Variants in MMEL1 observed in about 807,000 individuals in gnomAD.
The protein encoded by MMEL1 is membrane metallo-endopeptidase-like 1.
Under a neutral mutation model 117.1 loss-of-function variants are expected in MMEL1, and 98 were observed. The ratio of observed to expected loss-of-function variants is 0.84; its 90% CI spans 0.71 to 0.99. MMEL1 has a LOEUF of 0.99. Among genes scored for constraint, MMEL1 ranks in the 50% least tolerant of loss-of-function variants. The probability of loss-of-function intolerance (pLI) is 0.00; values close to 1 mark genes in which losing one functional copy is unlikely to be tolerated. For missense variants in MMEL1, 1,014 were observed against 1,049.1 expected (o/e 0.97, Z 0.46); for synonymous variants, 390 against 415.1 (o/e 0.94, Z 0.74).
chr1:2,608,158 A>T (rs1442336753), intron 6 of MMEL1, among the ~76,000 whole-genome samples: 1 of 152,106 alleles, frequency 6.6e-6, no homozygotes, highest in Non-Finnish European at 1.5e-5. Flanking sequence ...CAGCGCACCC[A>T]AGCAGGGGTC....
At position 2,609,350 on chromosome 1, in the gene MMEL1, C is replaced by A; in HGVS notation, c.524G>T (p.Cys175Phe). The change falls in exon 6 of 24, where the codon TGC (cysteine) becomes TTC (phenylalanine). Residue 175 changes from cysteine to phenylalanine, a missense_variant. Transcript: ENST00000378412. ...CGGCCCCCACTCACTCTGGTTCATG[C>A]AGGAGCGGTACAGCGTCCTGGCCTT... is the stretch of plus-strand genomic sequence containing the variant. ...VEKARTLYRSCMNQSVIEKRG... is the reference protein window; with the variant it reads ...VEKARTLYRSFMNQSVIEKRG... The A allele has an allele frequency of 6.2e-7, 1 of 1,611,402 alleles. No homozygotes were observed. The highest frequency in any genetic ancestry group is 1.1e-5 in the South Asian group (1 of 90,616).
intron 11 of MMEL1, 110 bp downstream of exon 11, chr1:2,603,774 A>C: frequency 2.1e-6 from 2 of 938,664 alleles, no homozygotes; most frequent in Non-Finnish European, 3.3e-6. Flanking sequence ...GGGATGGGGA[A>C]TGTTTCTGAG....
intron 10 of MMEL1, 27 bp downstream of exon 10, chr1:2,604,120 G>GCGGGC: frequency 5.6e-5 from 75 of 1,329,988 alleles, no homozygotes; most frequent in Non-Finnish European, 7.5e-5. Flanking sequence ...CTCGCTGCCC[G>GCGGGC]CTCCCCACCC....
intron 7 of MMEL1, 54 bp from the exon 8 acceptor site, chr1:2,606,420 G>C: frequency 7.0e-7 from 1 of 1,430,486 alleles, no homozygotes; most frequent in Non-Finnish European, 9.7e-7. Flanking sequence ...GCCCCAGCCC[G>C]GCCCCTTGTC....
At chr1:2,610,838 C>T (rs1384421449) in intron 4 of MMEL1, among the ~76,000 whole-genome samples, 1 of 152,190 alleles carries the variant, frequency 6.6e-6, no homozygotes, top group Non-Finnish European at 1.5e-5. Context: ...GCCCCCAGCA[C>T]GGGCAGAAAA....
chr1:2,591,876 C>T (rs1644721745), intron 22 of MMEL1, 56 bp downstream of exon 22: 1 of 1,553,952 alleles, frequency 6.4e-7, no homozygotes, highest in South Asian at 1.1e-5. Flanking sequence ...AGAGTGGGCC[C>T]TCCAGAGATG....
chr1:2,619,145 G>C (rs1308233279), intron 2 of MMEL1, among the ~76,000 whole-genome samples: 1 of 152,132 alleles, frequency 6.6e-6, no homozygotes, highest in Non-Finnish European at 1.5e-5. Flanking sequence ...TGCCAGGAGA[G>C]GGATCTGCGC....
At chr1:2,608,853 C>CCACATGTA (rs1198683585) in intron 6 of MMEL1, among the ~76,000 whole-genome samples, 1 of 151,958 alleles carries the variant, frequency 6.6e-6, no homozygotes, top group Non-Finnish European at 1.5e-5. Context: ...ACACATGTAC[C>CCACATGTA]CACATGTACA....
chr1:2,605,482 G>T, intron 9 of MMEL1, 76 bp downstream of exon 9: 1 of 1,298,268 alleles, frequency 7.7e-7, no homozygotes, highest in Non-Finnish European at 1.1e-6. Context: ...AAGGCCAGGT[G>T]GGCAACGGGA....
chr1:2,600,694 AAACAAACAAAC>A, intron 11 of MMEL1, among the ~76,000 whole-genome samples: 1 of 29,120 alleles, frequency 3.4e-5, no homozygotes, highest in South Asian at 7.9e-4. Context: ...TCAAACAAAC[AAACAAACAAAC>A]AAAACCCAAC....
In MMEL1 at chr1:2,612,064, C is replaced by T; in HGVS notation, c.232+63G>A. 7.1e-7 allele frequency: 1 copy of T among 1,410,498 alleles called. No individual in the cohort carries two copies. The highest frequency in any genetic ancestry group is 9.8e-7 in the Non-Finnish European group (1 of 1,018,030). 87.4% of individuals were successfully genotyped at this position (1,410,498 alleles called of 1,614,324 possible). A position where few individuals can be genotyped will look rare whatever the true frequency, so the allele number is the denominator to read the frequency against. On this transcript the variant is annotated intron_variant, in intron 3 of 23. Coordinates refer to ENST00000378412, the MANE Select transcript of MMEL1 (RefSeq NM_033467.4). The surrounding 1 kb of genome is among the most constrained non-coding windows in gnomAD (Gnocchi z 5.4). ...AGCCCCTGCCCCTCCACGGAGTCCC[C>T]CCACCTTGGGAGGCCAGCGCCCACC...
intron 13 of MMEL1, among the ~76,000 whole-genome samples, chr1:2,596,902 G>A (rs1041304159): frequency 1.3e-5 from 2 of 152,042 alleles, no homozygotes; most frequent in Non-Finnish European, 2.9e-5. Flanking sequence ...GGGAACTTCC[G>A]CAGACTGAGA....
In MMEL1 at chr1:2,592,840, T is replaced by C. The variant is rs1644762062; in HGVS notation, c.1994A>G (p.Glu665Gly). The change falls in exon 20 of 24, where the codon GAA becomes GGA. Residue 665 changes from glutamate to glycine, a missense_variant. Glu to Gly is a moderately conservative substitution (Grantham distance 98, BLOSUM62 -2). Transcript: ENST00000378412. ...YGNYSWDLADEQNVNGFNTLG... is the reference protein window; with the variant it reads ...YGNYSWDLADGQNVNGFNTLG... Reference sequence around the variant, plus strand: ...GCTGGTGGCAGCGCTCACGTTCTGTTCGTCTGCCAGGTCCCAGGAGTAGTT... The same window carrying C: ...GCTGGTGGCAGCGCTCACGTTCTGTCCGTCTGCCAGGTCCCAGGAGTAGTT... 1 of 1,613,384 alleles carries C rather than the reference T, an allele frequency of 6.2e-7. No individual in the cohort carries two copies.
intron 5 of MMEL1, 52 bp downstream of exon 5, chr1:2,609,618 G>C: frequency 6.3e-7 from 1 of 1,577,500 alleles, no homozygotes; most frequent in Non-Finnish European, 8.6e-7. Context: ...TCCTGGCCCG[G>C]TGCTGTCCTG....
Position 2,595,358 on chromosome 1 carries a change from G to C in MMEL1, c.1502C>G (p.Ala501Gly). The change falls in exon 16 of 24, where the codon GCC (alanine) becomes GGC (glycine). Residue 501 changes from alanine to glycine, a missense_variant and splice_region_variant. Ala to Gly is a moderately conservative substitution (Grantham distance 60, BLOSUM62 0). Transcript: ENST00000378412. The surrounding 1 kb of genome is among the most constrained non-coding windows in gnomAD (Gnocchi z 4.8). Reference protein sequence around the residue: ...EESKKKAQEKAMSIREQIGHP... With the variant: ...EESKKKAQEKGMSIREQIGHP... The stretch of plus-strand genomic sequence containing the variant: ...CCCGATCTGCTCCCGGATGCTCATG[G>C]CCTGAGTGGGGAGGAGGGACTGGTC... The C allele has an allele frequency of 6.2e-7, 1 of 1,613,790 alleles. No homozygotes were observed. Among genetic ancestry groups the C allele is most frequent in the Middle Eastern group, 1.7e-4 (1 of 6,058 alleles).
chr1:2,607,858 G>A (rs1483365548), intron 6 of MMEL1, among the ~76,000 whole-genome samples: 1 of 152,220 alleles, frequency 6.6e-6, no homozygotes, highest in African/African-American at 2.4e-5. Context: ...ACATTCCAGG[G>A]GAGGCTGCCT....
intron 2 of MMEL1, among the ~76,000 whole-genome samples, chr1:2,628,262 A>G (rs1006309905): frequency 6.6e-6 from 1 of 152,124 alleles, no homozygotes. Flanking sequence ...CAGCAGCCAC[A>G]CTGTACAGTG....
At chr1:2,598,914 C>T (rs1644889190) in intron 11 of MMEL1, 124 bp from the exon 12 acceptor site, 2 of 780,324 alleles carry the variant, frequency 2.6e-6, no homozygotes, top group Middle Eastern at 3.3e-4. Context: ...TGCAGGTAAT[C>T]AGAATCAGGA....
chr1:2,607,454 C>G (rs1450807176), intron 6 of MMEL1, among the ~76,000 whole-genome samples: 2 of 145,374 alleles, frequency 1.4e-5, no homozygotes, highest in East Asian at 4.4e-4. Flanking sequence ...TCGGCGAGGA[C>G]TCAGGCAGCG....
Sources: gnomAD v4.1 joint callset for allele counts (sites outside exome capture counted in the v4.1 genomes callset) on GRCh38, gnomAD v4.1.1 for gene constraint, Gnocchi (gnomAD v3.1) non-coding constraint, MANE v1.5 for transcripts, NCBI Gene and HGNC (gene_info 2026-07-23, HGNC 2026-07-21) for gene names.